SGCZ: variants seen among roughly 807,000 people sequenced by gnomAD.
SGCZ encodes zeta-sarcoglycan.
Under a neutral mutation model 41.3 loss-of-function variants are expected in SGCZ, and 40 were observed. The observed-to-expected ratio is 0.97, with a 90% CI of 0.75 to 1.26. The LOEUF (loss-of-function observed/expected upper bound fraction) is 1.26, where lower values mean the gene tolerates loss of function less well. Ranked by LOEUF, SGCZ falls within the 50% of genes most tolerant of loss-of-function variation. The pLI is 0.00. For missense variants in SGCZ, 552 were observed against 369.8 expected (o/e 1.49, Z -4.04); for synonymous variants, 206 against 137.5 (o/e 1.50, Z -3.49).
intron 1 of SGCZ, among the ~76,000 whole-genome samples, chr8:14,834,321 T>C (rs1263734228): frequency 6.6e-6 from 1 of 152,222 alleles, no homozygotes; most frequent in African/African-American, 2.4e-5. Flanking sequence ...AGGATTCTTT[T>C]ATCTCTTTGC....
chr8:15,156,752 T>G (rs886805287), intron 1 of SGCZ, among the ~76,000 whole-genome samples: 7 of 152,092 alleles, frequency 4.6e-5, no homozygotes, highest in African/African-American at 1.7e-4. Flanking sequence ...AAGACCAGCC[T>G]GGCCAACATG....
intron 1 of SGCZ, among the ~76,000 whole-genome samples, chr8:14,729,840 T>A (rs1313291455): frequency 6.6e-6 from 1 of 152,184 alleles, no homozygotes; most frequent in African/African-American, 2.4e-5. Flanking sequence ...ATCCTGGCAG[T>A]TTAGGAGGAC....
intron 2 of SGCZ, among the ~76,000 whole-genome samples, chr8:14,435,601 A>T (rs974118659): frequency 1.3e-5 from 2 of 152,240 alleles, no homozygotes; most frequent in Non-Finnish European, 1.5e-5. Context: ...AGCATGGCCT[A>T]TATCTACAAT....
intron 2 of SGCZ, among the ~76,000 whole-genome samples, chr8:14,435,297 T>C (rs1047450090): frequency 4.6e-5 from 7 of 152,190 alleles, no homozygotes; most frequent in Admixed American, 2.6e-4. Context: ...TGTTCACCTA[T>C]TAAAATCCCA....
chr8:14,274,656 C>T (rs1800170074), intron 3 of SGCZ, among the ~76,000 whole-genome samples: 1 of 152,076 alleles, frequency 6.6e-6, no homozygotes, highest in African/African-American at 2.4e-5. Flanking sequence ...CATTTGGAGG[C>T]TCCCTAAACA....
intron 1 of SGCZ, among the ~76,000 whole-genome samples, chr8:14,934,624 T>C (rs1457035822): frequency 1.3e-5 from 2 of 151,644 alleles, no homozygotes; most frequent in African/African-American, 4.9e-5. Context: ...TTGAGAAACT[T>C]CCACATTTCT....
intron 1 of SGCZ, among the ~76,000 whole-genome samples, chr8:14,888,379 G>A (rs778470771): frequency 3.9e-5 from 6 of 152,042 alleles, no homozygotes; most frequent in Non-Finnish European, 7.4e-5. Context: ...GAGAAGCTTT[G>A]CCATCTTTTA....
At chr8:15,137,112 G>T (rs188421285) in intron 1 of SGCZ, among the ~76,000 whole-genome samples, 1 of 152,278 alleles carries the variant, frequency 6.6e-6, no homozygotes, top group East Asian at 1.9e-4. Flanking sequence ...AGGCTGAGAT[G>T]GTCTTAGAGG....
chr8:15,013,614 G>A (rs954771607), intron 1 of SGCZ, among the ~76,000 whole-genome samples: 2 of 152,074 alleles, frequency 1.3e-5, no homozygotes, highest in Non-Finnish European at 2.9e-5. Flanking sequence ...AAAGAACCCA[G>A]AATCAGAACA....
At chr8:14,635,167 T>A (rs925467639) in intron 1 of SGCZ, among the ~76,000 whole-genome samples, 7 of 151,886 alleles carry the variant, frequency 4.6e-5, no homozygotes, top group Non-Finnish European at 1.0e-4. Flanking sequence ...GTCAGTAAAT[T>A]TTATGAAAGA....
At chr8:14,231,068 C>A (rs73219291) in intron 4 of SGCZ, among the ~76,000 whole-genome samples, 34,326 of 151,382 alleles carry the variant, frequency 0.23, 4,721 homozygotes, top group South Asian at 0.37. Context: ...TTTAATCAGC[C>A]TATGTGTATG....
At chr8:14,892,270 C>T (rs748749889) in intron 1 of SGCZ, among the ~76,000 whole-genome samples, 2 of 152,188 alleles carry the variant, frequency 1.3e-5, no homozygotes, top group Admixed American at 6.6e-5. Context: ...CAGGATATAT[C>T]TGCTGAGTGT....
intron 1 of SGCZ, among the ~76,000 whole-genome samples, chr8:14,974,188 A>G (rs999310770): frequency 1.3e-5 from 2 of 152,212 alleles, no homozygotes; most frequent in African/African-American, 4.8e-5. Context: ...AAAGGATACA[A>G]TTAGTAGTAT....
chr8:14,303,770 T>C (rs934338156), intron 3 of SGCZ, among the ~76,000 whole-genome samples: 2 of 152,068 alleles, frequency 1.3e-5, no homozygotes, highest in East Asian at 1.9e-4. Flanking sequence ...TACATACATA[T>C]GTATATTGAT....
At chr8:14,214,938 A>G (rs1291292657) in intron 4 of SGCZ, among the ~76,000 whole-genome samples, 1 of 152,194 alleles carries the variant, frequency 6.6e-6, no homozygotes, top group African/African-American at 2.4e-5. Flanking sequence ...TCAATACCAC[A>G]CTTGCAGCAA....
chr8:14,344,541 C>A (rs369644413), intron 2 of SGCZ, among the ~76,000 whole-genome samples: 1 of 151,948 alleles, frequency 6.6e-6, no homozygotes, highest in Non-Finnish European at 1.5e-5. Context: ...AACGACCAAC[C>A]TACACCTTAT....
intron 1 of SGCZ, among the ~76,000 whole-genome samples, chr8:14,603,777 CCT>C (rs1156960348): frequency 6.6e-6 from 1 of 151,842 alleles, no homozygotes; most frequent in Admixed American, 6.6e-5. Flanking sequence ...AAAATTATAC[CCT>C]GTTACATGAT....
intron 1 of SGCZ, among the ~76,000 whole-genome samples, chr8:14,628,903 A>G (rs1274624821): frequency 6.6e-6 from 1 of 152,126 alleles, no homozygotes; most frequent in African/African-American, 2.4e-5. Flanking sequence ...CTGAAAATAT[A>G]GGTGGTGAAT....
chr8:14,135,684 C>CAA (rs1321383706), intron 5 of SGCZ, among the ~76,000 whole-genome samples: 1 of 152,108 alleles, frequency 6.6e-6, no homozygotes, highest in African/African-American at 2.4e-5. Context: ...AAAAAGTCTT[C>CAA]AAACACAGAT....
Sources: gnomAD v4.1 joint callset for allele counts (sites outside exome capture counted in the v4.1 genomes callset) on GRCh38, gnomAD v4.1.1 for gene constraint, MANE v1.5 for transcripts, NCBI Gene and HGNC (gene_info 2026-07-23, HGNC 2026-07-21) for gene names.